Variants in LRP1B observed in about 807,000 individuals in gnomAD.
LRP1B encodes the protein low-density lipoprotein receptor-related protein 1B.
In LRP1B, 217 loss-of-function variants were observed where a neutral mutation model predicts 556.6. The ratio of observed to expected loss-of-function variants is 0.39; its 90% CI spans 0.35 to 0.44. LRP1B has a LOEUF of 0.44. Among genes scored for constraint, LRP1B ranks in the 20% least tolerant of loss-of-function variants. The probability of loss-of-function intolerance (pLI) is 1.00; values close to 1 mark genes in which losing one functional copy is unlikely to be tolerated. For missense variants in LRP1B, 5,053 were observed against 5,620.8 expected, an observed-to-expected ratio of 0.90 and a Z score of 3.23; for synonymous variants, 2,047 against 1,865.8, an observed-to-expected ratio of 1.10 and a Z score of -2.50.
chr2:141,776,445 T>C (rs1461760740), intron 2 of LRP1B, among the ~76,000 whole-genome samples: 2 of 152,240 alleles, frequency 1.3e-5, no homozygotes, highest in East Asian at 1.9e-4. Flanking sequence ...AGAGCTTATA[T>C]TAATATGATA....
Position 140,583,177 on chromosome 2 carries a change from T to C in LRP1B, c.7194+15454A>G, listed in dbSNP as rs995062472. Among the ~76,000 whole-genome samples, 494 of 142,200 alleles carry C rather than the reference T, an allele frequency of 3.5e-3. 2 individuals carry two copies. Among genetic ancestry groups the C allele is most frequent in the African/African-American group, 0.012 (447 of 37,906 alleles). The allele number at this position is 142,200 out of a possible 152,430, so 93.3% of individuals were successfully genotyped here. ...ACAGTTTCTCCTTTTTTTTCTTTTTTTTTTTTTTTTTTTTTTGAGACAGCA... is the reference window on the plus strand; with the variant it reads ...ACAGTTTCTCCTTTTTTTTCTTTTTCTTTTTTTTTTTTTTTTGAGACAGCA... On this transcript the variant is annotated intron_variant, in intron 43 of 90. Coordinates refer to ENST00000389484, the MANE Select transcript of LRP1B (RefSeq NM_018557.3).
chr2:140,509,796 G>A, intron 52 of LRP1B, 132 bp downstream of exon 52: 1 of 1,251,324 alleles, frequency 8.0e-7, no homozygotes, highest in East Asian at 2.4e-5. Context: ...ACCTGATTAA[G>A]TCCAATACTA....
intron 3 of LRP1B, among the ~76,000 whole-genome samples, chr2:141,304,551 C>A (rs1686516461): frequency 6.9e-6 from 1 of 144,066 alleles, no homozygotes; most frequent in South Asian, 2.2e-4. Context: ...GTGATCTTGG[C>A]TCACTGCAAC....
At chr2:141,403,457 C>T (rs1024261617) in intron 3 of LRP1B, among the ~76,000 whole-genome samples, 4 of 152,148 alleles carry the variant, frequency 2.6e-5, no homozygotes, top group African/African-American at 9.6e-5. Flanking sequence ...TCTAACCATT[C>T]ATCTATGTGA....
chr2:141,208,594 CG>C (rs1273090410), intron 6 of LRP1B, among the ~76,000 whole-genome samples: 8 of 151,096 alleles, frequency 5.3e-5, no homozygotes, highest in African/African-American at 1.5e-4. Context: ...TGGCTGGGCG[CG>C]GGGGGCTCAC....
intron 3 of LRP1B, among the ~76,000 whole-genome samples, chr2:141,467,845 G>GGACGGGGC (rs1553518607): frequency 1.6e-5 from 2 of 127,364 alleles, no homozygotes; most frequent in African/African-American, 2.8e-5. Flanking sequence ...GGACCGGGGG[G>GGACGGGGC]GGGGGAATTC....
chr2:140,996,060 C>T (rs1697236518), intron 15 of LRP1B, among the ~76,000 whole-genome samples: 1 of 151,904 alleles, frequency 6.6e-6, no homozygotes, highest in Non-Finnish European at 1.5e-5. Context: ...GTGTCTAATC[C>T]AGGAATCGTG....
intron 2 of LRP1B, among the ~76,000 whole-genome samples, chr2:141,509,989 A>G (rs1684063544): frequency 6.6e-6 from 1 of 152,124 alleles, no homozygotes; most frequent in Non-Finnish European, 1.5e-5. Flanking sequence ...ATCATTTAGA[A>G]AACTCAGTAG....
chr2:141,511,818 G>C (rs1484892154), intron 2 of LRP1B, among the ~76,000 whole-genome samples: 1 of 152,118 alleles, frequency 6.6e-6, no homozygotes, highest in East Asian at 1.9e-4. Context: ...TCAATTTTTA[G>C]TCCTATGAGA....
intron 18 of LRP1B, among the ~76,000 whole-genome samples, chr2:140,964,920 C>T (rs978216829): frequency 3.9e-5 from 6 of 152,094 alleles, no homozygotes; most frequent in Non-Finnish European, 7.3e-5. Context: ...CGTCATTGCA[C>T]TCCAGCCTGG....
chr2:140,967,094 C>G (rs1696250358), intron 18 of LRP1B, among the ~76,000 whole-genome samples: 1 of 152,104 alleles, frequency 6.6e-6, no homozygotes, highest in South Asian at 2.1e-4. Flanking sequence ...TCATTGGTAG[C>G]TTGATGGGGA....
chr2:140,495,778 T>C (rs1469509326), intron 55 of LRP1B, 30 bp from the exon 56 acceptor site: 1 of 1,556,388 alleles, frequency 6.4e-7, no homozygotes, highest in Non-Finnish European at 8.8e-7. Context: ...CATAATCAAT[T>C]CATATCATTG....
intron 2 of LRP1B, among the ~76,000 whole-genome samples, chr2:141,809,509 G>A (rs1436189965): frequency 3.3e-5 from 5 of 151,636 alleles, no homozygotes; most frequent in Admixed American, 3.3e-4. Context: ...AATATTCAGG[G>A]GACTGTTCAT....
intron 11 of LRP1B, among the ~76,000 whole-genome samples, chr2:141,031,235 AT>A (rs998906831): frequency 1.4e-5 from 2 of 146,960 alleles, no homozygotes; most frequent in African/African-American, 5.0e-5. Context: ...GCTATATATA[AT>A]GGCATATATA....
intron 32 of LRP1B, among the ~76,000 whole-genome samples, chr2:140,810,802 T>C (rs1291378918): frequency 3.3e-5 from 5 of 152,278 alleles, no homozygotes; most frequent in Admixed American, 3.3e-4. Flanking sequence ...AATGGTGCAA[T>C]CTCGGCTCAC....
chr2:141,802,046 G>A (rs770434168), intron 2 of LRP1B, among the ~76,000 whole-genome samples: 1 of 152,048 alleles, frequency 6.6e-6, no homozygotes, highest in Non-Finnish European at 1.5e-5. Flanking sequence ...TTTCCTCTGA[G>A]GCCTCTTTTG....
intron 27 of LRP1B, among the ~76,000 whole-genome samples, chr2:140,858,594 G>A (rs1186295761): frequency 6.6e-6 from 1 of 151,126 alleles, no homozygotes; most frequent in East Asian, 2.0e-4. Context: ...TTCTTTTTAA[G>A]TTCCAGGGTA....
At chr2:141,885,252 C>G (rs1320693840) in intron 1 of LRP1B, among the ~76,000 whole-genome samples, 1 of 152,048 alleles carries the variant, frequency 6.6e-6, no homozygotes, top group African/African-American at 2.4e-5. Context: ...AAAGCAGATT[C>G]ATAAAGAATG....
At chr2:141,265,466 C>G (rs528822032) in intron 3 of LRP1B, among the ~76,000 whole-genome samples, 1 of 152,284 alleles carries the variant, frequency 6.6e-6, no homozygotes, top group Admixed American at 6.5e-5. Flanking sequence ...AGAACTGTAC[C>G]CTGCATGCAT....
Sources: gnomAD v4.1 joint callset for allele counts (sites outside exome capture counted in the v4.1 genomes callset) on GRCh38, gnomAD v4.1.1 for gene constraint, MANE v1.5 for transcripts, NCBI Gene and HGNC (gene_info 2026-07-23, HGNC 2026-07-21) for gene names.